The following PIGR variants were observed in gnomAD, a reference collection of about 807,000 sequenced individuals.
PIGR encodes polymeric immunoglobulin receptor, also known as hepatocellular carcinoma associated protein TB6.
A neutral mutation model predicts 69.5 loss-of-function variants in PIGR; 22 were observed. The ratio of observed to expected loss-of-function variants is 0.32; its 90% CI spans 0.23 to 0.45. The LOEUF is 0.45. Among genes scored for constraint, PIGR ranks in the 20% least tolerant of loss-of-function variants. The pLI, the probability that PIGR is intolerant of heterozygous loss-of-function variation, is 1.00. For missense variants in PIGR, 885 were observed against 974.0 expected, an observed-to-expected ratio of 0.91 and a Z score of 1.22; for synonymous variants, 413 against 407.6, an observed-to-expected ratio of 1.01 and a Z score of -0.16.
At chr1:206,938,836 C>T (rs1290882924) in intron 3 of PIGR, among the ~76,000 whole-genome samples, 1 of 152,150 alleles carries the variant, frequency 6.6e-6, no homozygotes, top group Non-Finnish European at 1.5e-5. Context: ...CTGTAGCAAA[C>T]ACCAGAAAAC....
chr1:206,942,101 A>T (rs772840170), intron 1 of PIGR, among the ~76,000 whole-genome samples: 23 of 152,194 alleles, frequency 1.5e-4, no homozygotes, highest in Non-Finnish European at 2.1e-4. Flanking sequence ...TTCCTTGTGA[A>T]TATAAAGGTA....
Position 206,937,420 on chromosome 1 carries a change from G to A in PIGR, c.720C>T (p.Pro240=), listed in dbSNP as rs778546591. 23 of 1,613,976 alleles carry A rather than the reference G, an allele frequency of 1.4e-5. No homozygotes were observed. Among genetic ancestry groups the A allele is most frequent in the Middle Eastern group, 1.6e-4 (1 of 6,084 alleles). The change falls in exon 4 of 11, where the codon CCC becomes CCT. Residue 240 remains proline (P), a synonymous_variant. Coordinates refer to ENST00000356495, the MANE Select transcript of PIGR (RefSeq NM_002644.4). ...KKNADLQVLK[P]EPELVYEDLR... Reference sequence around the variant, plus strand: ...GGTCTTCATAAACCAGCTCGGGCTCGGGCTTTAGCACTTGGAGGTCAGCAT... The same window carrying A: ...GGTCTTCATAAACCAGCTCGGGCTCAGGCTTTAGCACTTGGAGGTCAGCAT...
rs1679938803 is a variant in PIGR, at chr1:206,939,474, A to G, written c.44-11T>C. 1 of 1,572,254 alleles carries G rather than the reference A, an allele frequency of 6.4e-7. No homozygotes were observed. The highest frequency in any genetic ancestry group is 1.7e-5 in the Admixed American group (1 of 58,408). ...TCTTCGTGGAGATGGCTGTGGGAACAGAAGAGAGAGGCTTTCTGAGGCCCT... is the reference window on the plus strand; with the variant it reads ...TCTTCGTGGAGATGGCTGTGGGAACGGAAGAGAGAGGCTTTCTGAGGCCCT... On this transcript the variant is annotated splice_polypyrimidine_tract_variant and intron_variant, in intron 2 of 10. Coordinates refer to ENST00000356495, the MANE Select transcript of PIGR (RefSeq NM_002644.4).
At chr1:206,944,209 T>C (rs1680055414) in intron 1 of PIGR, among the ~76,000 whole-genome samples, 1 of 152,168 alleles carries the variant, frequency 6.6e-6, no homozygotes, top group Non-Finnish European at 1.5e-5. Context: ...GCGTAGTGGC[T>C]CACGCCTGTA....
At position 206,930,160 on chromosome 1, in the gene PIGR, T is replaced by A; in HGVS notation, c.*158A>T. ...TAGGAACAATTAGGCCAGGCTTTGA[T>A]GTCACTGAGGAGGGGACCAGCACGC... On this transcript the variant is annotated 3_prime_UTR_variant, in exon 11 of 11. Coordinates refer to ENST00000356495, the MANE Select transcript of PIGR (RefSeq NM_002644.4). This position sits in a 1 kb window ranked among gnomAD's most constrained non-coding sequence, Gnocchi z 4.3. The A allele has an allele frequency of 1.9e-6, 1 of 523,026 alleles. No individual in the cohort carries two copies. The highest frequency in any genetic ancestry group is 3.3e-6 in the Non-Finnish European group (1 of 305,926). The allele number at this position is 523,026 out of a possible 1,614,324, so 32.4% of individuals were successfully genotyped here. A position where few individuals can be genotyped will look rare whatever the true frequency, so the allele number is the denominator to read the frequency against.
In PIGR at chr1:206,929,317, G is replaced by C. The variant is rs1423723507; in HGVS notation, c.*1001C>G. 3 of 152,172 alleles carry C rather than the reference G, an allele frequency of 2.0e-5. No individual in the cohort carries two copies. 9.4% of individuals were successfully genotyped at this position (152,172 alleles called of 1,614,324 possible). ...AATCCCAGCACTTTGGGAGGCAGAG[G>C]CAGGCGGATCACGAGGTCAGGAGAT... On this transcript the variant is annotated 3_prime_UTR_variant, in exon 11 of 11. Coordinates refer to ENST00000356495, the MANE Select transcript of PIGR (RefSeq NM_002644.4).
Position 206,939,373 on chromosome 1 carries a change from G to T in PIGR, c.134C>A (p.Thr45Asn). ...SVSITCYYPP[T>N]SVNRHTRKYW... ...CTTCCGGGTGTGCCGGTTGACAGAG[G>T]TGGGTGGGTAGTAGCACGTGATGGA... The change falls in exon 3 of 11, where the codon ACC (threonine) becomes AAC (asparagine). Residue 45 changes from threonine to asparagine, a missense_variant. Coordinates refer to ENST00000356495, the MANE Select transcript of PIGR (RefSeq NM_002644.4). 6.2e-7 allele frequency: 1 copy of T among 1,614,224 alleles called. No individual in the cohort carries two copies. The highest frequency in any genetic ancestry group is 8.5e-7 in the Non-Finnish European group (1 of 1,180,032).
intron 3 of PIGR, among the ~76,000 whole-genome samples, chr1:206,938,861 C>A (rs1261946649): frequency 6.6e-5 from 10 of 152,114 alleles, no homozygotes; most frequent in Admixed American, 6.5e-4. Context: ...CCTTCTGATA[C>A]CCTTCTAAGC....
chr1:206,939,345 G>T lies in PIGR; in HGVS notation c.162C>A (p.Tyr54Ter). Residue 54 changes from tyrosine (Y) to a stop codon, truncating the protein, a stop_gained, in exon 3 of 11, where the codon TAC becomes TAA. Transcript: ENST00000356495. LOFTEE classifies it high-confidence loss of function. ...PTSVNRHTRK[Y>*]WCRQGARGGC... Reference sequence around the variant, plus strand: ...CACCTCTAGCTCCCTGCCGGCACCAGTACTTCCGGGTGTGCCGGTTGACAG... The same window carrying T: ...CACCTCTAGCTCCCTGCCGGCACCATTACTTCCGGGTGTGCCGGTTGACAG... The T allele has an allele frequency of 6.2e-7, 1 of 1,614,252 alleles. No homozygotes were observed. The highest frequency in any genetic ancestry group is 8.5e-7 in the Non-Finnish European group (1 of 1,180,030).
chr1:206,938,382 T>C lies in PIGR; in HGVS notation c.389-631A>G, dbSNP rs141757646. Among the ~76,000 whole-genome samples, 1,070 of 152,328 alleles carry C rather than the reference T, an allele frequency of 7.0e-3. 14 individuals carry two copies. The highest frequency in any genetic ancestry group is 0.024 in the African/African-American group (988 of 41,570). ...GTGGTTTTGAATCTTGATCCCCACC[T>C]AAATGACCTCCTCATTTAGTCCACA... On this transcript the variant is annotated intron_variant, in intron 3 of 10. Coordinates refer to ENST00000356495, the MANE Select transcript of PIGR (RefSeq NM_002644.4).
chr1:206,942,728 T>C (rs1290656191), intron 1 of PIGR, among the ~76,000 whole-genome samples: 1 of 152,202 alleles, frequency 6.6e-6, no homozygotes, highest in African/African-American at 2.4e-5. Context: ...ACTTCTCATT[T>C]TGTGACATGT....
In PIGR at chr1:206,935,719, T is replaced by C. The variant is rs1010353933; in HGVS notation, c.1145A>G (p.Lys382Arg). 5.6e-6 allele frequency: 9 copies of C among 1,614,074 alleles called. No individual in the cohort carries two copies. The highest frequency in any genetic ancestry group is 1.1e-5 in the South Asian group (1 of 91,084). ...GGCCCCTTCCCAGAGACACCAGTAC[T>C]TGATGCTTTTGCTTTCCTTACGGTT... ...PYNRKESKSI[K>R]YWCLWEGAQN... is the part of the protein sequence containing the mutation. Residue 382 changes from lysine (K) to arginine (R), a missense_variant, in exon 5 of 11, where the codon AAG becomes AGG. Lys to Arg is a conservative substitution (Grantham distance 26). Transcript: ENST00000356495. This position sits in a 1 kb window ranked among gnomAD's most constrained non-coding sequence, Gnocchi z 4.4.
Position 206,930,714 on chromosome 1 carries a change from A to G in PIGR, c.2200-301T>C. ...AAGCTGCCCACACAGTCCACGGGCA[A>G]GGTGGCCTAGGCTGGGGTCAACCAC... On this transcript the variant is annotated intron_variant, in intron 10 of 10. Transcript: ENST00000356495. This position sits in a 1 kb window ranked among gnomAD's most constrained non-coding sequence, Gnocchi z 4.3. 1.0e-6 allele frequency: 1 copy of G among 985,406 alleles called. No individual in the cohort carries two copies. The highest frequency in any genetic ancestry group is 4.7e-5 in the South Asian group (1 of 21,284). The allele number at this position is 985,406 out of a possible 1,614,324, so 61.0% of individuals were successfully genotyped here.
rs778718445 is a variant in PIGR, at chr1:206,929,970, G to A, written c.*348C>T. ...ATTCTGTTGACATCCCATGATAAGG[G>A]TGCAGAGGGGCGCTGCACGTCTCTC... is the stretch of plus-strand genomic sequence containing the variant. On this transcript the variant is annotated 3_prime_UTR_variant, in exon 11 of 11. Transcript: ENST00000356495. The A allele has an allele frequency of 8.5e-6, 2 of 234,240 alleles. No homozygotes were observed. Among genetic ancestry groups the A allele is most frequent in the Non-Finnish European group, 1.6e-5 (2 of 122,202 alleles). 14.5% of individuals were successfully genotyped at this position (234,240 alleles called of 1,614,324 possible). A position where few individuals can be genotyped will look rare whatever the true frequency, so the allele number is the denominator to read the frequency against.
chr1:206,929,981 C>T lies in PIGR; in HGVS notation c.*337G>A, dbSNP rs973739137. On this transcript the variant is annotated 3_prime_UTR_variant, in exon 11 of 11. Transcript: ENST00000356495. Reference sequence around the variant, plus strand: ...ATCCCATGATAAGGGTGCAGAGGGGCGCTGCACGTCTCTCCTTTCTGCAAT... The same window carrying T: ...ATCCCATGATAAGGGTGCAGAGGGGTGCTGCACGTCTCTCCTTTCTGCAAT... 3.6e-5 allele frequency: 9 copies of T among 252,208 alleles called. No homozygotes were observed. The highest frequency in any genetic ancestry group is 2.9e-4 in the East Asian group (4 of 13,686). 15.6% of individuals were successfully genotyped at this position (252,208 alleles called of 1,614,324 possible).
chr1:206,931,161 A>T, intron 10 of PIGR: 10 of 985,462 alleles, frequency 1.0e-5, no homozygotes, highest in Non-Finnish European at 1.1e-5. Flanking sequence ...CCCCCAACCC[A>T]GGAAGAGCAT....
At chr1:206,938,032 G>T (rs1440851277) in intron 3 of PIGR, among the ~76,000 whole-genome samples, 2 of 152,178 alleles carry the variant, frequency 1.3e-5, no homozygotes, top group Non-Finnish European at 2.9e-5. Context: ...GTTCTCCATG[G>T]ACTGGAAGTT....
rs772127541 is a variant in PIGR at position 206,930,284 on chromosome 1, T to C, written c.*34A>G. ...GGATCGACATGATTCTGAAGGTGAT[T>C]GTCATGGGTGCAGGGAGCAGGCGGC... On this transcript the variant is annotated 3_prime_UTR_variant, in exon 11 of 11. Transcript: ENST00000356495. The surrounding 1 kb of genome is among the most constrained non-coding windows in gnomAD (Gnocchi z 4.3). 3.8e-6 allele frequency: 6 copies of C among 1,565,494 alleles called. No homozygotes were observed. The South Asian group carries it at 7.0e-5, about 18-fold the overall frequency.
Position 206,937,098 on chromosome 1 carries a change from C to G in PIGR, c.1042G>C (p.Glu348Gln), listed in dbSNP as rs930970171. 6.3e-7 allele frequency: 1 copy of G among 1,591,722 alleles called. No homozygotes were observed. Among genetic ancestry groups the G allele is most frequent in the East Asian group, 2.2e-5 (1 of 44,752 alleles). The change falls in exon 4 of 11, where the codon GAG becomes CAG. Residue 348 changes from glutamate to glutamine, a missense_variant. Physicochemically the swap from Glu to Gln is conservative, Grantham distance 29. Coordinates refer to ENST00000356495, the MANE Select transcript of PIGR (RefSeq NM_002644.4). ...PIQAWQLFVN[E>Q]ESTIPRSPTV... ...CCCTCCCTCTCTAGGGTCTTACCCTCATTGACGAAGAGTTGCCAGGCCTGG... is the reference window on the plus strand; with the variant it reads ...CCCTCCCTCTCTAGGGTCTTACCCTGATTGACGAAGAGTTGCCAGGCCTGG...
Sources: allele counts gnomAD v4.1 joint callset (sites outside exome capture counted in the v4.1 genomes callset), GRCh38; gene constraint gnomAD v4.1.1; non-coding constraint Gnocchi (gnomAD v3.1); transcripts MANE v1.5; gene names NCBI Gene and HGNC (gene_info 2026-07-23, HGNC 2026-07-21).